The following FAM227B variants were observed in gnomAD, a reference collection of about 807,000 sequenced individuals.
FAM227B encodes the protein protein FAM227B.
A neutral mutation model predicts 73.8 loss-of-function variants in FAM227B; 88 were observed. The ratio of observed to expected loss-of-function variants is 1.19; its 90% CI spans 1.00 to 1.42. FAM227B has a LOEUF of 1.42. Ranked by LOEUF, FAM227B falls within the 40% of genes most tolerant of loss-of-function variation. FAM227B has a pLI of 0.00. For missense variants in FAM227B, 632 were observed against 590.9 expected (o/e 1.07, Z -0.72); for synonymous variants, 210 against 190.5 (o/e 1.10, Z -0.84).
At chr15:49,583,172 T>C (rs905952117) in intron 5 of FAM227B, among the ~76,000 whole-genome samples, 1 of 138,404 alleles carries the variant, frequency 7.2e-6, no homozygotes, top group African/African-American at 2.7e-5. Flanking sequence ...ATTGAGAAGA[T>C]CAACAAATCC....
chr15:49,563,859 A>G (rs146544552), intron 9 of FAM227B, among the ~76,000 whole-genome samples: 11 of 152,340 alleles, frequency 7.2e-5, no homozygotes, highest in Non-Finnish European at 8.8e-5. Context: ...TTAAAGACAA[A>G]TATAAGATGT....
intron 11 of FAM227B, among the ~76,000 whole-genome samples, chr15:49,463,371 T>C (rs569872158): frequency 1.3e-5 from 2 of 152,106 alleles, no homozygotes; most frequent in East Asian, 3.9e-4. Context: ...CTGGCCAACA[T>C]AGTGAAACCC....
chr15:49,346,210 T>C (rs531120041), intron 13 of FAM227B, among the ~76,000 whole-genome samples: 2 of 152,316 alleles, frequency 1.3e-5, no homozygotes, highest in South Asian at 4.1e-4. Context: ...CAATTCAAAC[T>C]GGTTGAGACC....
chr15:49,590,940 T>C (rs1013889002), intron 3 of FAM227B, among the ~76,000 whole-genome samples: 2 of 152,048 alleles, frequency 1.3e-5, no homozygotes, highest in African/African-American at 4.8e-5. Flanking sequence ...CCTGGCTTAT[T>C]TTACATAGCA....
chr15:49,445,353 TA>T (rs1454190942), intron 11 of FAM227B, among the ~76,000 whole-genome samples: 6 of 151,684 alleles, frequency 4.0e-5, no homozygotes, highest in Non-Finnish European at 1.5e-5. Context: ...CTCTTACTTA[TA>T]AGTGAAAACA....
chr15:49,458,841 C>T (rs767947120), intron 11 of FAM227B, among the ~76,000 whole-genome samples: 1 of 151,876 alleles, frequency 6.6e-6, no homozygotes, highest in Non-Finnish European at 1.5e-5. Flanking sequence ...AAAGTATTTC[C>T]CCCCTGCACC....
chr15:49,606,142 T>A (rs1288478828), intron 3 of FAM227B: 1 of 152,216 alleles, frequency 6.6e-6, no homozygotes, highest in Non-Finnish European at 1.5e-5. Context: ...TAGTGAAGAC[T>A]AGTAATATCT....
intron 11 of FAM227B, among the ~76,000 whole-genome samples, chr15:49,377,799 T>C (rs2046268721): frequency 6.6e-6 from 1 of 152,150 alleles, no homozygotes; most frequent in Non-Finnish European, 1.5e-5. Context: ...TTTTCTGCCA[T>C]TCTGTGGGTT....
intron 1 of FAM227B, among the ~76,000 whole-genome samples, chr15:49,616,437 A>G (rs2078292382): frequency 6.6e-6 from 1 of 152,122 alleles, no homozygotes; most frequent in Non-Finnish European, 1.5e-5. Context: ...TAATATGAGG[A>G]GAAAGAGTGA....
rs1026906891 is a variant in FAM227B at position 49,543,095 on chromosome 15, T to C, written c.748-1289A>G. Among the ~76,000 whole-genome samples the C allele has an allele frequency of 4.6e-5, 7 of 152,288 alleles. No individual in the cohort carries two copies. In the East Asian group the frequency reaches 1.4e-3, roughly 29 times the overall value. On this transcript the variant is annotated intron_variant, in intron 9 of 15. Transcript: ENST00000299338. ...TGAGTAATCCTCATACTGTTTTCCA[T>C]AGTTGTTTTATTTGTTTACATTACC... is the stretch of plus-strand genomic sequence containing the variant.
At chr15:49,451,241 C>T (rs1311706730) in intron 11 of FAM227B, among the ~76,000 whole-genome samples, 2 of 151,980 alleles carry the variant, frequency 1.3e-5, no homozygotes, top group Non-Finnish European at 2.9e-5. Context: ...CCAATTTCTA[C>T]AGAAAGTGTG....
chr15:49,539,939 A>G (rs1007586254), intron 10 of FAM227B, among the ~76,000 whole-genome samples: 1 of 152,192 alleles, frequency 6.6e-6, no homozygotes, highest in Admixed American at 6.5e-5. Flanking sequence ...AACAAAGCTG[A>G]GGCCTAGAAT....
At chr15:49,618,840 T>G (rs2078466245) in intron 1 of FAM227B, among the ~76,000 whole-genome samples, 1 of 152,132 alleles carries the variant, frequency 6.6e-6, no homozygotes, top group Non-Finnish European at 1.5e-5. Flanking sequence ...GAATTGAGAA[T>G]AGAGTAGAAG....
intron 11 of FAM227B, among the ~76,000 whole-genome samples, chr15:49,494,201 T>C (rs139868794): frequency 6.6e-6 from 1 of 151,596 alleles, no homozygotes; most frequent in Non-Finnish European, 1.5e-5. Context: ...AATATGCATA[T>C]ATTAAACAAC....
At chr15:49,510,183 T>A (rs902713587) in intron 10 of FAM227B, among the ~76,000 whole-genome samples, 2 of 152,162 alleles carry the variant, frequency 1.3e-5, no homozygotes, top group African/African-American at 2.4e-5. Context: ...TATCCCATTA[T>A]CACCACATAC....
chr15:49,545,958 T>TTA (rs2071791978), intron 9 of FAM227B, among the ~76,000 whole-genome samples: 1 of 148,954 alleles, frequency 6.7e-6, no homozygotes, highest in Non-Finnish European at 1.5e-5. Context: ...TTTTTTTTTT[T>TTA]AATTTTATTA....
chr15:49,590,003 T>C lies in FAM227B; in HGVS notation c.110A>G (p.Tyr37Cys), dbSNP rs1436677229. 1 of 1,507,036 alleles carries C rather than the reference T, an allele frequency of 6.6e-7. No homozygotes were observed. The highest frequency in any genetic ancestry group is 9.2e-7 in the Non-Finnish European group (1 of 1,086,496). The allele number at this position is 1,507,036 out of a possible 1,614,324, so 93.4% of individuals were successfully genotyped here. Residue 37 changes from tyrosine to cysteine, a missense_variant, in exon 4 of 16, where the codon TAT becomes TGT. Tyr to Cys is a radical substitution (Grantham distance 194). Transcript: ENST00000299338. ...EEFLKFQNWD[Y>C]WPREIHFRDD... is the part of the protein sequence containing the mutation. ...TCTAAAATGGATTTCCCTTGGCCAA[T>C]AATCCTGCAAAAAACGTGAAAGAGA...
rs79223276 is a variant in FAM227B, at chr15:49,566,914, C to T, written c.747+1331G>A. On this transcript the variant is annotated intron_variant, in intron 9 of 15. Coordinates refer to ENST00000299338, the MANE Select transcript of FAM227B (RefSeq NM_152647.3). ...TGTAAGTATAAGATTTATCAAAAGA[C>T]ACATCCACCACAAGTGAGAACATTT... Among the ~76,000 whole-genome samples the T allele has an allele frequency of 5.3e-3, 810 of 152,286 alleles. 10 individuals carry two copies. The highest frequency in any genetic ancestry group is 0.019 in the African/African-American group (778 of 41,566).
At chr15:49,577,304 C>A in intron 6 of FAM227B, 2 of 323,808 alleles carry the variant, frequency 6.2e-6, no homozygotes, top group South Asian at 5.8e-5. Flanking sequence ...TCCCCACACC[C>A]CCTGCAAAAA....
Sources: gnomAD v4.1 joint callset for allele counts (sites outside exome capture counted in the v4.1 genomes callset) on GRCh38, gnomAD v4.1.1 for gene constraint, MANE v1.5 for transcripts, NCBI Gene and HGNC (gene_info 2026-07-23, HGNC 2026-07-21) for gene names.